Variants in CDC14A observed in about 807,000 individuals in gnomAD.
CDC14A encodes the protein dual specificity protein phosphatase CDC14A.
CDC14A carries 53 observed loss-of-function variants against 74.4 expected under a neutral mutation model. That is an observed-to-expected ratio of 0.71 (90% CI 0.57 to 0.89). CDC14A has a LOEUF of 0.89. Among genes scored for constraint, CDC14A ranks in the 40% least tolerant of loss-of-function variants. The probability of loss-of-function intolerance (pLI) is 0.00; values close to 1 mark genes in which losing one functional copy is unlikely to be tolerated. For missense variants in CDC14A, 646 were observed against 713.7 expected (o/e 0.91, Z 1.08); for synonymous variants, 247 against 258.4 (o/e 0.96, Z 0.43).
At chr1:100,436,318 A>G (rs1247064009) in intron 5 of CDC14A, among the ~76,000 whole-genome samples, 1 of 152,152 alleles carries the variant, frequency 6.6e-6, no homozygotes, top group Non-Finnish European at 1.5e-5. Context: ...TGGACTTTCA[A>G]TCTTATTTTA....
At chr1:100,476,577 A>C (rs1402844885) in intron 10 of CDC14A, among the ~76,000 whole-genome samples, 1 of 151,500 alleles carries the variant, frequency 6.6e-6, no homozygotes, top group African/African-American at 2.4e-5. Context: ...GGTTCCAACC[A>C]ATCTGCCTTT....
chr1:100,477,928 A>G (rs574463495), intron 10 of CDC14A, among the ~76,000 whole-genome samples: 1 of 152,268 alleles, frequency 6.6e-6, no homozygotes, highest in South Asian at 2.1e-4. Context: ...CTTGATTGCC[A>G]TGTCTTAAAC....
chr1:100,384,914 T>C (rs1198440066), intron 3 of CDC14A, among the ~76,000 whole-genome samples: 3 of 152,206 alleles, frequency 2.0e-5, no homozygotes, highest in South Asian at 2.1e-4. Flanking sequence ...CTTCAGATTC[T>C]TGGCACCTGA....
chr1:100,345,733 T>C (rs1483330716), intron 1 of CDC14A, among the ~76,000 whole-genome samples: 1 of 152,250 alleles, frequency 6.6e-6, no homozygotes, highest in East Asian at 1.9e-4. Context: ...TATACCTACC[T>C]GATAGGCAAC....
chr1:100,492,879 T>G (rs1047084646), intron 11 of CDC14A, among the ~76,000 whole-genome samples: 32 of 151,752 alleles, frequency 2.1e-4, no homozygotes, highest in Admixed American at 6.6e-4. Context: ...TGTGTGTGTG[T>G]GGGTATGTGT....
At chr1:100,429,597 A>G (rs1056709091) in intron 5 of CDC14A, among the ~76,000 whole-genome samples, 1 of 151,492 alleles carries the variant, frequency 6.6e-6, no homozygotes, top group Non-Finnish European at 1.5e-5. Flanking sequence ...GTGAAGTCAG[A>G]GTTATTGGGA....
At chr1:100,515,144 G>T (rs2101485631) in intron 15 of CDC14A, among the ~76,000 whole-genome samples, 1 of 152,292 alleles carries the variant, frequency 6.6e-6, no homozygotes, top group South Asian at 2.1e-4. Context: ...ATTTGAAATG[G>T]AGAGTACTTG....
chr1:100,445,527 G>C (rs1481373536), intron 7 of CDC14A, among the ~76,000 whole-genome samples: 5 of 152,298 alleles, frequency 3.3e-5, no homozygotes, highest in Admixed American at 6.5e-5. Flanking sequence ...TTAAAGGAGA[G>C]ATGGAGGCAG....
chr1:100,482,788 A>G (rs967832146), intron 10 of CDC14A, among the ~76,000 whole-genome samples: 2 of 151,884 alleles, frequency 1.3e-5, no homozygotes, highest in Non-Finnish European at 2.9e-5. Flanking sequence ...CTGTGTATAT[A>G]TGTATATACA....
intron 15 of CDC14A, among the ~76,000 whole-genome samples, chr1:100,513,263 T>C (rs573516190): frequency 6.6e-6 from 1 of 151,580 alleles, no homozygotes; most frequent in South Asian, 2.1e-4. Flanking sequence ...TAAAACACTA[T>C]AGTTATGTAT....
intron 4 of CDC14A, among the ~76,000 whole-genome samples, chr1:100,413,843 G>T (rs1481109208): frequency 6.6e-6 from 1 of 152,134 alleles, no homozygotes. Context: ...TTTTGAAGCA[G>T]AATTGTATAT....
At chr1:100,392,937 A>G in intron 4 of CDC14A, 3 of 782,146 alleles carry the variant, frequency 3.8e-6, no homozygotes, top group Non-Finnish European at 6.1e-6. Flanking sequence ...TTTAAACATC[A>G]ATGGTTTTGG....
At chr1:100,382,272 A>C (rs1444574374) in intron 3 of CDC14A, among the ~76,000 whole-genome samples, 1 of 136,962 alleles carries the variant, frequency 7.3e-6, no homozygotes, top group African/African-American at 2.8e-5. Context: ...CTGGAGTGCC[A>C]TGGTGCAGTC....
intron 4 of CDC14A, among the ~76,000 whole-genome samples, chr1:100,407,410 C>G (rs561043928): frequency 6.6e-6 from 1 of 152,182 alleles, no homozygotes; most frequent in South Asian, 2.1e-4. Context: ...TTGAAAAGAT[C>G]CTTCACTTCC....
chr1:100,418,955 CG>C (rs1661899966), intron 4 of CDC14A, among the ~76,000 whole-genome samples: 1 of 152,010 alleles, frequency 6.6e-6, no homozygotes, highest in Non-Finnish European at 1.5e-5. Context: ...GAGGCTGAGG[CG>C]GGTGGATCAC....
At chr1:100,482,522 G>A (rs1452532860) in intron 10 of CDC14A, among the ~76,000 whole-genome samples, 1 of 152,030 alleles carries the variant, frequency 6.6e-6, no homozygotes, top group African/African-American at 2.4e-5. Context: ...CCATCAGATT[G>A]AGTAAGGGGC....
intron 5 of CDC14A, among the ~76,000 whole-genome samples, chr1:100,429,758 A>T: frequency 6.8e-6 from 1 of 146,748 alleles, no homozygotes; most frequent in East Asian, 2.0e-4. Flanking sequence ...TATATATATT[A>T]TATATATATC....
At chr1:100,374,811 G>A (rs3887285) in intron 2 of CDC14A, among the ~76,000 whole-genome samples, 35,763 of 152,038 alleles carry the variant, frequency 0.24, 5,625 homozygotes, top group African/African-American at 0.45. Flanking sequence ...TTTTGGAAAT[G>A]TGTTGGTATT....
rs1655166540 is a variant in CDC14A at position 100,375,858 on chromosome 1, T to C, written c.141-1688T>C. ...AAAGACACATTCACACGTATGTTTATTGCGGCACTATTCACAATAGCAAAG... is the reference window on the plus strand; with the variant it reads ...AAAGACACATTCACACGTATGTTTACTGCGGCACTATTCACAATAGCAAAG... On this transcript the variant is annotated intron_variant, in intron 2 of 15. Coordinates refer to ENST00000336454, the MANE Select transcript of CDC14A (RefSeq NM_003672.4). Among the ~76,000 whole-genome samples, 3 of 152,342 alleles carry C rather than the reference T, an allele frequency of 2.0e-5. No individual in the cohort carries two copies. The South Asian group carries it at 6.2e-4, about 32-fold the overall frequency.
Sources: allele counts gnomAD v4.1 joint callset (sites outside exome capture counted in the v4.1 genomes callset), GRCh38; gene constraint gnomAD v4.1.1; transcripts MANE v1.5; gene names NCBI Gene and HGNC (gene_info 2026-07-23, HGNC 2026-07-21).